LUZP2: variants seen among roughly 807,000 people sequenced by gnomAD.
LUZP2 encodes the protein leucine zipper protein 2.
LUZP2 carries 52 observed loss-of-function variants against 51.6 expected under a neutral mutation model. The ratio of observed to expected loss-of-function variants is 1.01; its 90% confidence interval spans 0.81 to 1.27. LUZP2 has a LOEUF of 1.27. LUZP2 is among the 50% of genes most tolerant of loss of function. LUZP2 has a pLI of 0.00. For synonymous variants in LUZP2, 154 were observed against 137.3 expected (o/e 1.12, Z -0.85); for missense variants, 436 against 395.4 (o/e 1.10, Z -0.87).
At chr11:24,656,574 C>T (rs920567662) in intron 1 of LUZP2, among the ~76,000 whole-genome samples, 2 of 152,148 alleles carry the variant, frequency 1.3e-5, no homozygotes, top group African/African-American at 4.8e-5. Context: ...TCATTCCTTC[C>T]AGGAGGCTCT....
At chr11:24,506,296 G>T (rs1850144190) in intron 1 of LUZP2, among the ~76,000 whole-genome samples, 1 of 152,004 alleles carries the variant, frequency 6.6e-6, no homozygotes, top group African/African-American at 2.4e-5. Flanking sequence ...AATGCTTGCG[G>T]TCATTTATTT....
chr11:24,719,728 CTTTGTAACTGATACTG>C (rs1858192026), intron 1 of LUZP2, among the ~76,000 whole-genome samples: 1 of 152,184 alleles, frequency 6.6e-6, no homozygotes, highest in Non-Finnish European at 1.5e-5. Flanking sequence ...TTGTGACTTG[CTTTGTAACTGATACTG>C]TTTGATTGAC....
chr11:24,955,987 G>C (rs900737394), intron 7 of LUZP2, among the ~76,000 whole-genome samples: 1 of 151,966 alleles, frequency 6.6e-6, no homozygotes, highest in African/African-American at 2.4e-5. Context: ...GAGAGAAAAT[G>C]CACAAAACTC....
At chr11:24,962,585 G>A (rs889827011) in intron 7 of LUZP2, among the ~76,000 whole-genome samples, 8 of 152,134 alleles carry the variant, frequency 5.3e-5, no homozygotes, top group East Asian at 3.9e-4. Context: ...CATTCTTCAC[G>A]TAGTTCTTGA....
At chr11:24,572,622 T>A (rs10834389) in intron 1 of LUZP2, among the ~76,000 whole-genome samples, 88,128 of 151,888 alleles carry the variant, frequency 0.58, 26,267 homozygotes, top group East Asian at 0.8. Flanking sequence ...GATAGTGGCA[T>A]ACAAAAGCTG....
chr11:24,670,247 G>T (rs947514000), intron 1 of LUZP2, among the ~76,000 whole-genome samples: 1 of 151,970 alleles, frequency 6.6e-6, no homozygotes, highest in African/African-American at 2.4e-5. Flanking sequence ...CCACAGATAA[G>T]TCACTTCATT....
intron 1 of LUZP2, among the ~76,000 whole-genome samples, chr11:24,710,706 C>T (rs1857777090): frequency 6.6e-6 from 1 of 152,150 alleles, no homozygotes; most frequent in Non-Finnish European, 1.5e-5. Context: ...TATATCACAA[C>T]CCCCATCTTG....
At chr11:24,587,182 G>A (rs1268182883) in intron 1 of LUZP2, among the ~76,000 whole-genome samples, 1 of 152,112 alleles carries the variant, frequency 6.6e-6, no homozygotes, top group East Asian at 1.9e-4. Flanking sequence ...TCTCTACTCA[G>A]GCTCAAATGT....
chr11:24,999,744 A>C (rs771289196), intron 9 of LUZP2, among the ~76,000 whole-genome samples: 5 of 152,180 alleles, frequency 3.3e-5, no homozygotes, highest in Non-Finnish European at 2.9e-5. Flanking sequence ...TTTTAAACTC[A>C]CAACCTTGTT....
chr11:24,926,588 T>C (rs1254705871), intron 7 of LUZP2, among the ~76,000 whole-genome samples: 1 of 147,918 alleles, frequency 6.8e-6, no homozygotes, highest in Non-Finnish European at 1.5e-5. Context: ...TATATATATG[T>C]GTGTATATAT....
chr11:24,937,277 A>G (rs908054042), intron 7 of LUZP2, among the ~76,000 whole-genome samples: 2 of 152,210 alleles, frequency 1.3e-5, no homozygotes, highest in Non-Finnish European at 2.9e-5. Flanking sequence ...TGATGTGGTA[A>G]AAATAAAATA....
intron 5 of LUZP2, among the ~76,000 whole-genome samples, chr11:24,887,143 T>C (rs750218695): frequency 6.6e-6 from 1 of 152,182 alleles, no homozygotes; most frequent in Admixed American, 6.6e-5. Flanking sequence ...CCTTGTGTTT[T>C]CCTGGCATCC....
chr11:25,003,757 C>T (rs999556531), intron 9 of LUZP2, among the ~76,000 whole-genome samples: 1 of 152,126 alleles, frequency 6.6e-6, no homozygotes, highest in African/African-American at 2.4e-5. Context: ...GCCCAGACTT[C>T]AGGGTTGACT....
intron 10 of LUZP2, among the ~76,000 whole-genome samples, chr11:25,072,687 T>G (rs2028858): frequency 0.92 from 139,736 of 152,042 alleles, 64,917 homozygotes; most frequent in East Asian, 0.99. Context: ...TTTTTTAAAT[T>G]AAGAGGTTTT....
At chr11:24,921,936 G>A (rs1854074118) in intron 7 of LUZP2, among the ~76,000 whole-genome samples, 1 of 152,016 alleles carries the variant, frequency 6.6e-6, no homozygotes, top group African/African-American at 2.4e-5. Flanking sequence ...AAATTTATGT[G>A]ATCTCTTTCA....
At chr11:24,839,034 T>C (rs558043134) in intron 5 of LUZP2, among the ~76,000 whole-genome samples, 63 of 151,788 alleles carry the variant, frequency 4.2e-4, no homozygotes, top group African/African-American at 1.5e-3. Flanking sequence ...AACAGCCATA[T>C]GAGATGGTTA....
chr11:24,537,857 T>C (rs1851228697), intron 1 of LUZP2, among the ~76,000 whole-genome samples: 1 of 151,928 alleles, frequency 6.6e-6, no homozygotes, highest in Admixed American at 6.6e-5. Context: ...GTTTCACCTT[T>C]TTATGTACAT....
At chr11:24,506,996 T>C (rs982515554) in intron 1 of LUZP2, among the ~76,000 whole-genome samples, 3 of 152,034 alleles carry the variant, frequency 2.0e-5, no homozygotes, top group African/African-American at 7.2e-5. Flanking sequence ...TGAGACAGAG[T>C]ACATTAAAAA....
chr11:24,963,610 C>T (rs1254408903), intron 7 of LUZP2, among the ~76,000 whole-genome samples: 2 of 152,140 alleles, frequency 1.3e-5, no homozygotes, highest in African/African-American at 4.8e-5. Flanking sequence ...TTTTTTAAGC[C>T]CGTCAGAAAG....
Sources: gnomAD v4.1 joint callset for allele counts (sites outside exome capture counted in the v4.1 genomes callset) on GRCh38, gnomAD v4.1.1 for gene constraint, MANE v1.5 for transcripts, NCBI Gene and HGNC (gene_info 2026-07-23, HGNC 2026-07-21) for gene names.